NEO1: variants seen among roughly 807,000 people sequenced by gnomAD.
The protein encoded by NEO1 is neogenin 1.
In NEO1, 63 loss-of-function variants were observed where a neutral mutation model predicts 159.7. The observed-to-expected ratio is 0.39, with a 90% CI of 0.32 to 0.49. NEO1 has a LOEUF of 0.49. Ranked by LOEUF, NEO1 falls within the 20% of genes least tolerant of loss-of-function variation. The pLI, the probability that NEO1 is intolerant of heterozygous loss-of-function variation, is 0.85. For synonymous variants in NEO1, 633 were observed against 662.0 expected (o/e 0.96, Z 0.67); for missense variants, 1,615 against 1,831.0 (o/e 0.88, Z 2.15).
chr15:73,104,151 T>A (rs1249635355), intron 1 of NEO1, among the ~76,000 whole-genome samples: 1 of 152,160 alleles, frequency 6.6e-6, no homozygotes, highest in Non-Finnish European at 1.5e-5. Context: ...TGTGAGCCAC[T>A]GCGACTGGCC....
At chr15:73,085,807 G>A (rs1291584397) in intron 1 of NEO1, among the ~76,000 whole-genome samples, 1 of 151,944 alleles carries the variant, frequency 6.6e-6, no homozygotes, top group Non-Finnish European at 1.5e-5. Context: ...GAAAATTGGG[G>A]TTGTTTTCTT....
intron 7 of NEO1, among the ~76,000 whole-genome samples, chr15:73,210,087 G>T (rs1396678100): frequency 6.6e-6 from 1 of 152,174 alleles, no homozygotes; most frequent in East Asian, 1.9e-4. Flanking sequence ...AGTGCCATGT[G>T]CTTTCAATAA....
chr15:73,150,842 C>T (rs1390711539), intron 5 of NEO1, among the ~76,000 whole-genome samples: 2 of 152,118 alleles, frequency 1.3e-5, no homozygotes, highest in African/African-American at 4.8e-5. Context: ...TTTTTATTCC[C>T]CACTATAAAT....
In NEO1 at chr15:73,162,668, G is replaced by T. The variant is rs2034274107; in HGVS notation, c.1016-13735G>T. On this transcript the variant is annotated intron_variant, in intron 5 of 28. Transcript: ENST00000261908. The stretch of plus-strand genomic sequence containing the variant: ...CCACCTCGGCCTCTCAGAGTGCTGG[G>T]ATTACAGATGTGAGTCATCATGCCT... 3 of 160,336 alleles carry T rather than the reference G, an allele frequency of 1.9e-5. No homozygotes were observed. The South Asian group carries it at 4.7e-4, about 25-fold the overall frequency. 9.9% of individuals were successfully genotyped at this position (160,336 alleles called of 1,614,324 possible). A position where few individuals can be genotyped will look rare whatever the true frequency, so the allele number is the denominator to read the frequency against.
intron 7 of NEO1, among the ~76,000 whole-genome samples, chr15:73,224,141 A>G (rs2038444008): frequency 6.6e-6 from 1 of 152,184 alleles, no homozygotes; most frequent in South Asian, 2.1e-4. Context: ...AATCCCTTCT[A>G]GCTTCTAGGG....
At position 73,168,379 on chromosome 15, in the gene NEO1, T is replaced by TGG. The variant is rs75298868; in HGVS notation, c.1016-8013_1016-8012dup. Among the ~76,000 whole-genome samples, 504 of 51,200 alleles carry TGG rather than the reference T, an allele frequency of 9.8e-3. 3 individuals are homozygous for TGG. The highest frequency in any genetic ancestry group is 0.026 in the Middle Eastern group (3 of 116). The allele number at this position is 51,200 out of a possible 152,430, so 33.6% of individuals were successfully genotyped here. A position where few individuals can be genotyped will look rare whatever the true frequency, so the allele number is the denominator to read the frequency against. ...TTGTATTTTTAGTAGAGACGGGGGG[T>TGG]GGGGGGGGGGGGTCTCACCATGTTG... On this transcript the variant is annotated intron_variant, in intron 5 of 28. Coordinates refer to ENST00000261908, the MANE Select transcript of NEO1 (RefSeq NM_002499.4).
intron 5 of NEO1, among the ~76,000 whole-genome samples, chr15:73,168,511 A>G (rs760517461): frequency 6.6e-6 from 1 of 151,856 alleles, no homozygotes; most frequent in Non-Finnish European, 1.5e-5. Context: ...AAATACTTTT[A>G]ATTAGTATCA....
chr15:73,263,660 C>T (rs1324703685), intron 15 of NEO1, among the ~76,000 whole-genome samples: 3 of 152,066 alleles, frequency 2.0e-5, no homozygotes, highest in Non-Finnish European at 4.4e-5. Context: ...AATTTTCATT[C>T]AGATCGTTTC....
Position 73,298,572 on chromosome 15 carries a change from G to T in NEO1, c.4126G>T (p.Asp1376Tyr). 4 of 1,614,176 alleles carry T rather than the reference G, an allele frequency of 2.5e-6. No individual in the cohort carries two copies. Among genetic ancestry groups the T allele is most frequent in the Non-Finnish European group, 3.4e-6 (4 of 1,180,032 alleles). Reference sequence around the variant, plus strand: ...CCCGCCTCCAGGACCTCCCACCTATGATCCTGCATTGCCAAGCACACCATT... The same window carrying T: ...CCCGCCTCCAGGACCTCCCACCTATTATCCTGCATTGCCAAGCACACCATT... ...AIPPPGPPTY[D>Y]PALPSTPLLS... Residue 1376 changes from aspartate (D) to tyrosine (Y), a missense_variant, in exon 27 of 29, where the codon GAT becomes TAT. By Grantham distance (160) the Asp-to-Tyr change is radical. Around this residue, in one of 3 missense-constraint regions of NEO1, gnomAD observed 471 missense variants for 498.9 expected, o/e 0.94. Transcript: ENST00000261908.
intron 1 of NEO1, among the ~76,000 whole-genome samples, chr15:73,083,573 C>A (rs181991104): frequency 2.6e-4 from 39 of 152,264 alleles, no homozygotes; most frequent in Admixed American, 2.6e-3. Flanking sequence ...TCATCTGCCA[C>A]ACTCAGTCCC....
intron 11 of NEO1, among the ~76,000 whole-genome samples, chr15:73,251,350 A>T (rs1319672205): frequency 1.3e-5 from 2 of 151,828 alleles, no homozygotes; most frequent in African/African-American, 2.4e-5. Context: ...ATCTCTACTT[A>T]AAAAATAATA....
At chr15:73,290,224 ATTTTTTTT>A (rs34114271) in intron 25 of NEO1, among the ~76,000 whole-genome samples, 1 of 82,252 alleles carries the variant, frequency 1.2e-5, no homozygotes, top group Admixed American at 2.1e-4. Flanking sequence ...ACTGTGTGGA[ATTTTTTTT>A]TTTTTTTTTT....
chr15:73,292,454 C>A (rs1287702566), intron 25 of NEO1, among the ~76,000 whole-genome samples: 1 of 152,160 alleles, frequency 6.6e-6, no homozygotes, highest in Admixed American at 6.5e-5. Context: ...CTTAAACGTG[C>A]CATTTCTACA....
chr15:73,130,172 C>T (rs1285237068), intron 4 of NEO1, among the ~76,000 whole-genome samples: 2 of 152,096 alleles, frequency 1.3e-5, no homozygotes, highest in Non-Finnish European at 2.9e-5. Context: ...CGGGGTTTCA[C>T]CATGTTGGCC....
At chr15:73,076,536 G>A (rs368871138) in intron 1 of NEO1, among the ~76,000 whole-genome samples, 2 of 152,286 alleles carry the variant, frequency 1.3e-5, no homozygotes, top group African/African-American at 2.4e-5. Flanking sequence ...ATAAATAGAA[G>A]GTACTGACAG....
At position 73,161,758 on chromosome 15, in the gene NEO1, G is replaced by A. The variant is rs372570028; in HGVS notation, c.1016-14645G>A. ...ATAAGATGGAAACATTTTTAAAACTGCTTAAACTATTTTCTTAAAGAGACT... is the reference window on the plus strand; with the variant it reads ...ATAAGATGGAAACATTTTTAAAACTACTTAAACTATTTTCTTAAAGAGACT... On this transcript the variant is annotated intron_variant, in intron 5 of 28. Coordinates refer to ENST00000261908, the MANE Select transcript of NEO1 (RefSeq NM_002499.4). 8.5e-5 allele frequency: 23 copies of A among 271,352 alleles called. 1 individual carries two copies. In the South Asian group the frequency reaches 1.2e-3, roughly 14 times the overall value. 16.8% of individuals were successfully genotyped at this position (271,352 alleles called of 1,614,324 possible).
At chr15:73,116,971 T>C (rs2071361236) in intron 2 of NEO1, 114 bp downstream of exon 2, 2 of 808,952 alleles carry the variant, frequency 2.5e-6, no homozygotes, top group African/African-American at 3.5e-5. Flanking sequence ...AATATACTCA[T>C]TTAACAGATA....
At chr15:73,236,258 C>T in intron 7 of NEO1, 89 bp from the exon 8 acceptor site, 1 of 1,588,856 alleles carries the variant, frequency 6.3e-7, no homozygotes, top group South Asian at 1.1e-5. Context: ...GTTTGCCCTT[C>T]ATATTCCCCA....
In NEO1 at chr15:73,100,848, C is replaced by G. The variant is rs138235803; in HGVS notation, c.131-15692C>G. 7.7e-4 allele frequency among the ~76,000 whole-genome samples: 117 copies of G among 152,276 alleles called. 1 individual carries two copies. Among genetic ancestry groups the G allele is most frequent in the African/African-American group, 2.7e-3 (113 of 41,576 alleles). On this transcript the variant is annotated intron_variant, in intron 1 of 28. Coordinates refer to ENST00000261908, the MANE Select transcript of NEO1 (RefSeq NM_002499.4). ...TTAGTGCTCTCTTCCATTCTTGCCA[C>G]AGCTATTTCAGATGTTTTCCACTAC...
Sources: gnomAD v4.1 joint callset for allele counts (sites outside exome capture counted in the v4.1 genomes callset) on GRCh38, gnomAD v4.1.1 for gene constraint, gnomAD v4.1.1 regional missense constraint, MANE v1.5 for transcripts, NCBI Gene and HGNC (gene_info 2026-07-23, HGNC 2026-07-21) for gene names.